Variants in ADCY10 observed in about 807,000 individuals in gnomAD.
The protein encoded by ADCY10 is adenylate cyclase 10, also known as adenylate cyclase type 10.
In ADCY10, 156 loss-of-function variants were observed where a neutral mutation model predicts 183.3. That is an observed-to-expected ratio of 0.85 (90% CI 0.75 to 0.97). The LOEUF is 0.97. Among genes scored for constraint, ADCY10 ranks in the 50% least tolerant of loss-of-function variants. ADCY10 has a pLI of 0.00. For synonymous variants in ADCY10, 645 were observed against 670.0 expected, an observed-to-expected ratio of 0.96 and a Z score of 0.58; for missense variants, 1,745 against 1,934.3, an observed-to-expected ratio of 0.90 and a Z score of 1.84.
At chr1:167,818,684 T>C (rs1662681196) in intron 30 of ADCY10, among the ~76,000 whole-genome samples, 1 of 152,110 alleles carries the variant, frequency 6.6e-6, no homozygotes, top group African/African-American at 2.4e-5. Context: ...ACTACAGGTG[T>C]GTACCACCAC....
chr1:167,885,498 G>C (rs1294027948), intron 8 of ADCY10, among the ~76,000 whole-genome samples: 1 of 152,198 alleles, frequency 6.6e-6, no homozygotes, highest in Non-Finnish European at 1.5e-5. Flanking sequence ...GGGGTAAGAT[G>C]ATAATCTTAT....
chr1:167,839,473 C>G (rs896809933), intron 21 of ADCY10, among the ~76,000 whole-genome samples: 4 of 152,168 alleles, frequency 2.6e-5, no homozygotes, highest in South Asian at 4.2e-4. Flanking sequence ...ATGAGGCAAG[C>G]CTTTTACATG....
intron 4 of ADCY10, 65 bp from the exon 5 acceptor site, chr1:167,901,870 T>C (rs777812004): frequency 6.2e-7 from 1 of 1,613,102 alleles, no homozygotes; most frequent in Non-Finnish European, 8.5e-7. Context: ...TTGTATGAGA[T>C]CTGTATAGAA....
chr1:167,861,044 TC>T lies in ADCY10; in HGVS notation c.1635del (p.Asn546IlefsTer20), dbSNP rs1358660581. The T allele has an allele frequency of 6.2e-7, 1 of 1,614,002 alleles. No individual in the cohort carries two copies. The highest frequency in any genetic ancestry group is 1.3e-5 in the African/African-American group (1 of 74,928). On this transcript the variant is annotated frameshift_variant, in exon 15 of 33. Transcript: ENST00000367851. LOFTEE classifies it high-confidence loss of function. Reference sequence around the variant, plus strand: ...AAAGTTTGATGGAAGCTGATCTTATTCAATGAAATGGCAATAATCCTGTTTG... The same window carrying T: ...AAAGTTTGATGGAAGCTGATCTTATTAATGAAATGGCAATAATCCTGTTTG... ...GKNHRIIAIS[L>X]NKISFHQTFY...
intron 11 of ADCY10, among the ~76,000 whole-genome samples, chr1:167,879,492 A>T (rs996379595): frequency 6.6e-6 from 1 of 151,670 alleles, no homozygotes; most frequent in Non-Finnish European, 1.5e-5. Flanking sequence ...TATACCCATC[A>T]CCCCATCCCA....
chr1:167,886,514 G>A (rs1413159894), intron 8 of ADCY10, among the ~76,000 whole-genome samples: 7 of 152,132 alleles, frequency 4.6e-5, no homozygotes, highest in African/African-American at 1.7e-4. Context: ...GCTGAAACTG[G>A]ATCCCTTCCT....
chr1:167,886,889 A>T (rs1190407546), intron 8 of ADCY10, among the ~76,000 whole-genome samples: 1 of 152,272 alleles, frequency 6.6e-6, no homozygotes, highest in African/African-American at 2.4e-5. Context: ...GGCAAAGGAT[A>T]TGAACAGACA....
Position 167,870,328 on chromosome 1 carries a change from C to G in ADCY10, c.1545G>C (p.Glu515Asp). Residue 515 changes from glutamate to aspartate, a missense_variant, in exon 14 of 33, where the codon GAG (glutamate) becomes GAC (aspartate). Coordinates refer to ENST00000367851, the MANE Select transcript of ADCY10 (RefSeq NM_018417.6). ...ISNSSQVLMY[E>D]GLPGYGKSQI... ...GGCTTTTTCCATATCCTGGTAATCC[C>G]TCATACATTAAGACTTGGCTGCTGT... 1 of 1,613,984 alleles carries G rather than the reference C, an allele frequency of 6.2e-7. No homozygotes were observed. The highest frequency in any genetic ancestry group is 8.5e-7 in the Non-Finnish European group (1 of 1,179,946).
At chr1:167,813,589 G>A (rs1337833781) in intron 31 of ADCY10, among the ~76,000 whole-genome samples, 1 of 152,108 alleles carries the variant, frequency 6.6e-6, no homozygotes, top group Admixed American at 6.5e-5. Context: ...GACAGTCAAA[G>A]CTCTAAGAAG....
chr1:167,885,301 A>G (rs749309764), intron 8 of ADCY10, among the ~76,000 whole-genome samples: 1 of 152,176 alleles, frequency 6.6e-6, no homozygotes, highest in Non-Finnish European at 1.5e-5. Flanking sequence ...TTGAGTATGT[A>G]TCTAGGAGTA....
At chr1:167,811,891 C>T (rs1662232732) in intron 31 of ADCY10, among the ~76,000 whole-genome samples, 1 of 152,298 alleles carries the variant, frequency 6.6e-6, no homozygotes, top group Non-Finnish European at 1.5e-5. Flanking sequence ...CCTAGACTAT[C>T]ATTACACTGG....
chr1:167,827,931 C>G (rs1187012501), intron 26 of ADCY10, among the ~76,000 whole-genome samples: 1 of 151,642 alleles, frequency 6.6e-6, no homozygotes, highest in African/African-American at 2.4e-5. Context: ...CCAGGCTAGT[C>G]TCGAACTCCT....
rs756985055 is a variant in ADCY10 at position 167,856,164 on chromosome 1, C to G, written c.2171+1G>C. The G allele has an allele frequency of 1.9e-6, 3 of 1,613,826 alleles. No homozygotes were observed. Among genetic ancestry groups the G allele is most frequent in the Non-Finnish European group, 2.5e-6 (3 of 1,179,856 alleles). On this transcript the variant is annotated splice_donor_variant, in intron 17 of 32. Coordinates refer to ENST00000367851, the MANE Select transcript of ADCY10 (RefSeq NM_018417.6). LOFTEE classifies it high-confidence loss of function. Reference sequence around the variant, plus strand: ...GTTCAGAATAGAAAGAGGTTACTTACGAGTCCAGTTCTTTGGAGATGCAGC... The same window carrying G: ...GTTCAGAATAGAAAGAGGTTACTTAGGAGTCCAGTTCTTTGGAGATGCAGC...
chr1:167,909,755 G>T (rs1670034569), intron 1 of ADCY10, among the ~76,000 whole-genome samples: 2 of 152,070 alleles, frequency 1.3e-5, no homozygotes, highest in Non-Finnish European at 2.9e-5. Flanking sequence ...CAGTTCAGTT[G>T]CTACATATCT....
rs112831179 is a variant in ADCY10 at position 167,864,247 on chromosome 1, G to A, written c.1617-3184C>T. Reference sequence around the variant, plus strand: ...TGTGAGAGTGGTGTTTTGTCTCGAAGAAACATGGGTCAGGCACAAATAAGC... The same window carrying A: ...TGTGAGAGTGGTGTTTTGTCTCGAAAAAACATGGGTCAGGCACAAATAAGC... On this transcript the variant is annotated intron_variant, in intron 14 of 32. Transcript: ENST00000367851. Among the ~76,000 whole-genome samples the A allele has an allele frequency of 7.0e-3, 1,068 of 152,240 alleles. 11 individuals carry two copies. Among genetic ancestry groups the A allele is most frequent in the African/African-American group, 0.024 (982 of 41,536 alleles).
At chr1:167,843,719 G>C (rs541789871) in intron 21 of ADCY10, among the ~76,000 whole-genome samples, 1 of 152,188 alleles carries the variant, frequency 6.6e-6, no homozygotes, top group Admixed American at 6.5e-5. Flanking sequence ...GTCTGGGATG[G>C]CAGCTTGATC....
chr1:167,820,581 A>G (rs1014087058), intron 30 of ADCY10: 17 of 249,484 alleles, frequency 6.8e-5, no homozygotes, highest in African/African-American at 3.8e-4. Context: ...TTGATTTTGA[A>G]CTTTAATTGG....
intron 14 of ADCY10, among the ~76,000 whole-genome samples, chr1:167,864,557 G>A (rs1034926050): frequency 1.3e-5 from 2 of 151,978 alleles, no homozygotes; most frequent in African/African-American, 4.8e-5. Flanking sequence ...CAGAAAGAGA[G>A]GAAGAAACAG....
intron 10 of ADCY10, 68 bp downstream of exon 10, chr1:167,880,423 G>C (rs184205363): frequency 8.6e-7 from 1 of 1,169,582 alleles, no homozygotes; most frequent in Non-Finnish European, 1.3e-6. Context: ...CCTGTTCCCT[G>C]CATGCCCTCC....
Sources: allele counts gnomAD v4.1 joint callset (sites outside exome capture counted in the v4.1 genomes callset), GRCh38; gene constraint gnomAD v4.1.1; transcripts MANE v1.5; gene names NCBI Gene and HGNC (gene_info 2026-07-23, HGNC 2026-07-21).